The following ZNF665 variants were observed in gnomAD, a reference collection of about 807,000 sequenced individuals.
The protein encoded by ZNF665 is zinc finger protein 665.
Under a neutral mutation model 7.9 loss-of-function variants are expected in ZNF665, and 6 were observed. The ratio of observed to expected loss-of-function variants is 0.76; its 90% CI spans 0.42 to 1.50. The LOEUF is 1.50. Among genes scored for constraint, ZNF665 ranks in the 40% most tolerant of loss-of-function variants. The pLI is 0.01. For synonymous variants in ZNF665, 242 were observed against 274.5 expected (o/e 0.88, Z 1.17); for missense variants, 819 against 806.7 (o/e 1.02, Z -0.18).
Position 53,182,930 on chromosome 19 carries a change from T to C in ZNF665, c.-32A>G, listed in dbSNP as rs1388292029. 2.5e-6 allele frequency: 4 copies of C among 1,607,772 alleles called. No homozygotes were observed. The highest frequency in any genetic ancestry group is 3.3e-5 in the Admixed American group (2 of 59,994). On this transcript the variant is annotated 5_prime_UTR_variant, in exon 2 of 4. Transcript: ENST00000396424. ...CTCCTTTGCCTTCCTCTTCCTCTTCTTCCAGGGTTCTACCTTGGGTAACAT... is the reference window on the plus strand; with the variant it reads ...CTCCTTTGCCTTCCTCTTCCTCTTCCTCCAGGGTTCTACCTTGGGTAACAT...
intron 2 of ZNF665, among the ~76,000 whole-genome samples, chr19:53,175,901 C>T (rs2090694545): frequency 1.3e-5 from 2 of 152,220 alleles, no homozygotes; most frequent in South Asian, 4.1e-4. Context: ...TTGCTCATGC[C>T]TGTAATCCCA....
chr19:53,191,999 CTCT>C (rs1384316171), intron 1 of ZNF665, among the ~76,000 whole-genome samples: 2 of 151,862 alleles, frequency 1.3e-5, no homozygotes, highest in South Asian at 4.2e-4. Flanking sequence ...CTCTCTCATT[CTCT>C]TCTTCTCTCT....
intron 1 of ZNF665, among the ~76,000 whole-genome samples, 158 bp downstream of exon 1, chr19:53,193,154 G>C (rs2090831002): frequency 6.6e-6 from 1 of 152,122 alleles, no homozygotes; most frequent in Non-Finnish European, 1.5e-5. Flanking sequence ...TTAACCCAAA[G>C]CGATGCGACC....
Position 53,185,045 on chromosome 19 carries a change from T to C in ZNF665, c.-45-2102A>G, listed in dbSNP as rs185408730. On this transcript the variant is annotated intron_variant, in intron 1 of 3. Transcript: ENST00000396424. ...AGAGCCAGGTGTACAGGATGGAACA[T>C]GAAGGCGGACTAGGAGCGTGACCAC... Among the ~76,000 whole-genome samples the C allele has an allele frequency of 5.7e-4, 87 of 152,288 alleles. 1 individual carries two copies. Among genetic ancestry groups the C allele is most frequent in the African/African-American group, 1.8e-3 (73 of 41,562 alleles).
chr19:53,173,175 T>TA lies in ZNF665; in HGVS notation c.142+2269dup, dbSNP rs1433304716. Among the ~76,000 whole-genome samples the TA allele has an allele frequency of 3.9e-5, 6 of 152,294 alleles. No homozygotes were observed. The South Asian group carries it at 1.0e-3, about 26-fold the overall frequency. Reference sequence around the variant, plus strand: ...CTAGTAGTTTTACATTATCAGGTCTTACGTTTAAGTATTTAATACATTTTG... The same window carrying TA: ...CTAGTAGTTTTACATTATCAGGTCTTAACGTTTAAGTATTTAATACATTTTG... On this transcript the variant is annotated intron_variant, in intron 3 of 3. Coordinates refer to ENST00000396424, the MANE Select transcript of ZNF665 (RefSeq NM_024733.5).
intron 1 of ZNF665, among the ~76,000 whole-genome samples, chr19:53,192,876 G>A (rs528301973): frequency 6.6e-6 from 1 of 152,064 alleles, no homozygotes; most frequent in Non-Finnish European, 1.5e-5. Flanking sequence ...GGTGGGGGGC[G>A]ACGGCGCCTT....
At chr19:53,182,382 C>CA (rs943938194) in intron 2 of ZNF665, 61 of 340,890 alleles carry the variant, frequency 1.8e-4, no homozygotes, top group South Asian at 3.0e-4. Flanking sequence ...ACAAAAACAA[C>CA]AAAAAAAAGG....
chr19:53,180,771 A>C (rs2090732459), intron 2 of ZNF665: 1 of 152,192 alleles, frequency 6.6e-6, no homozygotes, highest in South Asian at 2.1e-4. Context: ...AAAACGCTAA[A>C]ACAAAAATAT....
rs377654744 is a variant in ZNF665 at position 53,165,434 on chromosome 19, G to C, written c.1056C>G (p.Gly352=). ...GEKPYKCNEC[G]KVFRHNSYLA... ...GGTATGAATTGTGCCTGAAGACCTTGCCACATTCATTACATTTGTAAGGTT... is the reference window on the plus strand; with the variant it reads ...GGTATGAATTGTGCCTGAAGACCTTCCCACATTCATTACATTTGTAAGGTT... Residue 352 remains glycine, a synonymous_variant, in exon 4 of 4, where the codon GGC becomes GGG. Coordinates refer to ENST00000396424, the MANE Select transcript of ZNF665 (RefSeq NM_024733.5). 29 of 1,612,696 alleles carry C rather than the reference G, an allele frequency of 1.8e-5. 1 individual carries two copies. In the African/African-American group the frequency reaches 2.1e-4, roughly 12 times the overall value.
At chr19:53,193,181 A>G (rs1000893437) in intron 1 of ZNF665, 131 bp downstream of exon 1, 1 of 152,132 alleles carries the variant, frequency 6.6e-6, no homozygotes, top group African/African-American at 2.4e-5. Context: ...GTCTCGCGGC[A>G]AAGTCTGAAT....
chr19:53,189,380 T>A (rs1477534338), intron 1 of ZNF665, among the ~76,000 whole-genome samples: 1 of 150,486 alleles, frequency 6.6e-6, no homozygotes, highest in Non-Finnish European at 1.5e-5. Context: ...GGCTGCGCTG[T>A]TATTTATTGG....
intron 1 of ZNF665, among the ~76,000 whole-genome samples, chr19:53,192,840 G>T (rs958724375): frequency 2.0e-5 from 3 of 152,058 alleles, no homozygotes; most frequent in African/African-American, 7.2e-5. Context: ...CTAGGGAGCA[G>T]CAGGGCCCGG....
intron 2 of ZNF665, 118 bp from the exon 3 acceptor site, chr19:53,175,689 T>A: frequency 4.3e-6 from 5 of 1,172,576 alleles, no homozygotes; most frequent in South Asian, 1.5e-5. Flanking sequence ...GACTGACACA[T>A]CCAGGCTGTG....
chr19:53,167,413 C>G (rs1323521257), intron 3 of ZNF665, among the ~76,000 whole-genome samples: 6 of 151,910 alleles, frequency 3.9e-5, no homozygotes, highest in African/African-American at 7.2e-5. Flanking sequence ...GAATTAGTAA[C>G]CGTGTTTACA....
chr19:53,162,890 G>A lies in ZNF665; in HGVS notation c.*1563C>T, dbSNP rs988320124. ...AAAAATCAATCTTTGCTATGCAACA[G>A]CTATTGGCATTTGATGGAGAAGGTA... On this transcript the variant is annotated 3_prime_UTR_variant, in exon 4 of 4. Coordinates refer to ENST00000396424, the MANE Select transcript of ZNF665 (RefSeq NM_024733.5). The A allele has an allele frequency of 6.6e-5, 10 of 151,726 alleles. No homozygotes were observed. Among genetic ancestry groups the A allele is most frequent in the Admixed American group, 3.9e-4 (6 of 15,230 alleles). The allele number at this position is 151,726 out of a possible 1,614,324, so 9.4% of individuals were successfully genotyped here. A position where few individuals can be genotyped will look rare whatever the true frequency, so the allele number is the denominator to read the frequency against.
rs2090585410 is a variant in ZNF665, at chr19:53,164,254, C to T, written c.*199G>A. 2.4e-6 allele frequency: 1 copy of T among 414,802 alleles called. No homozygotes were observed. Among genetic ancestry groups the T allele is most frequent in the Non-Finnish European group, 4.2e-6 (1 of 235,384 alleles). 25.7% of individuals were successfully genotyped at this position (414,802 alleles called of 1,614,324 possible). On this transcript the variant is annotated 3_prime_UTR_variant, in exon 4 of 4. Transcript: ENST00000396424. ...CCAGGTTCAAGTGATTCTCCTGCCT[C>T]AGCCTCCCGAGTAGCTGGGATTACA...
In ZNF665 at chr19:53,165,069, G is replaced by A. The variant is rs755868729; in HGVS notation, c.1421C>T (p.Ala474Val). The A allele has an allele frequency of 1.9e-6, 3 of 1,614,002 alleles. No individual in the cohort carries two copies. The African/African-American group carries it at 4.0e-5, about 22-fold the overall frequency. The part of the protein sequence containing the change: ...GKVFTQNSHL[A>V]SHRGIHSGEK... ...TCCAGAATGAATTCCCCGATGACTT[G>A]CAAGGTGTGAATTTTGTGTGAAGAC... The change falls in exon 4 of 4, where the codon GCA becomes GTA. Residue 474 changes from alanine to valine, a missense_variant. Physicochemically the swap from Ala to Val is moderately conservative, Grantham distance 64 (BLOSUM62 0). Coordinates refer to ENST00000396424, the MANE Select transcript of ZNF665 (RefSeq NM_024733.5).
At chr19:53,193,022 C>T (rs1336671598) in intron 1 of ZNF665, among the ~76,000 whole-genome samples, 1 of 152,110 alleles carries the variant, frequency 6.6e-6, no homozygotes, top group Non-Finnish European at 1.5e-5. Context: ...ACCCACTTCG[C>T]AGATGAGGAC....
intron 1 of ZNF665, among the ~76,000 whole-genome samples, chr19:53,189,854 C>T (rs1003584990): frequency 6.6e-6 from 1 of 151,988 alleles, no homozygotes; most frequent in South Asian, 2.1e-4. Context: ...GACCACGGTC[C>T]GCCTGGCAAC....
Sources: allele counts gnomAD v4.1 joint callset (sites outside exome capture counted in the v4.1 genomes callset), GRCh38; gene constraint gnomAD v4.1.1; transcripts MANE v1.5; gene names NCBI Gene and HGNC (gene_info 2026-07-23, HGNC 2026-07-21).